The following SUCLG2 variants were observed in gnomAD, a reference collection of about 807,000 sequenced individuals.
The protein encoded by SUCLG2 is succinate-CoA ligase GDP-forming subunit beta.
Under a neutral mutation model 47.9 loss-of-function variants are expected in SUCLG2, and 42 were observed. That is an observed-to-expected ratio of 0.88 (90% CI 0.69 to 1.14). The LOEUF (loss-of-function observed/expected upper bound fraction) is 1.14. Ranked by LOEUF, SUCLG2 falls within the 50% of genes most tolerant of loss-of-function variation. SUCLG2 has a pLI of 0.00. For synonymous variants in SUCLG2, 195 were observed against 197.3 expected (o/e 0.99, Z 0.10); for missense variants, 571 against 525.9 (o/e 1.09, Z -0.84).
intron 2 of SUCLG2, among the ~76,000 whole-genome samples, chr3:67,578,137 T>C (rs1707789422): frequency 1.3e-5 from 2 of 151,176 alleles, no homozygotes; most frequent in South Asian, 4.2e-4. Context: ...GATGATTGAT[T>C]TATAAGTTAC....
chr3:67,623,179 A>T (rs1465185822), intron 1 of SUCLG2, among the ~76,000 whole-genome samples: 3 of 152,162 alleles, frequency 2.0e-5, no homozygotes, highest in Non-Finnish European at 4.4e-5. Flanking sequence ...GTGTTCCAAG[A>T]ATCATCTCCA....
intron 2 of SUCLG2, among the ~76,000 whole-genome samples, chr3:67,580,113 T>C (rs1575793008): frequency 1.3e-5 from 2 of 152,230 alleles, no homozygotes; most frequent in East Asian, 3.8e-4. Flanking sequence ...GTTACTACTA[T>C]ACAACTATAT....
At chr3:67,387,835 T>C (rs559504258) in intron 10 of SUCLG2, among the ~76,000 whole-genome samples, 34 of 152,276 alleles carry the variant, frequency 2.2e-4, no homozygotes, top group African/African-American at 7.9e-4. Context: ...CCAAGGTTTA[T>C]GCCTGTGGTT....
chr3:67,549,259 A>T (rs1042542048), intron 2 of SUCLG2, among the ~76,000 whole-genome samples: 7 of 152,194 alleles, frequency 4.6e-5, no homozygotes, highest in African/African-American at 1.7e-4. Context: ...CTGATACTTA[A>T]GCAATGAAGT....
chr3:67,607,698 A>G (rs1700446715), intron 2 of SUCLG2, among the ~76,000 whole-genome samples: 1 of 152,188 alleles, frequency 6.6e-6, no homozygotes, highest in Non-Finnish European at 1.5e-5. Flanking sequence ...TTGAATTGTA[A>G]TAATCTCCAC....
intron 9 of SUCLG2, among the ~76,000 whole-genome samples, chr3:67,422,527 A>C (rs1703191678): frequency 6.7e-6 from 1 of 148,988 alleles, no homozygotes; most frequent in African/African-American, 2.5e-5. Flanking sequence ...AATTTTACTA[A>C]GATCTTACAA....
At chr3:67,488,926 T>A (rs1375670722) in intron 9 of SUCLG2, among the ~76,000 whole-genome samples, 2 of 152,156 alleles carry the variant, frequency 1.3e-5, no homozygotes, top group Non-Finnish European at 2.9e-5. Flanking sequence ...GCCCCAAATC[T>A]GTTAAATTAT....
intron 9 of SUCLG2, among the ~76,000 whole-genome samples, chr3:67,462,829 C>T (rs944557255): frequency 2.0e-5 from 3 of 152,164 alleles, no homozygotes; most frequent in Admixed American, 2.0e-4. Flanking sequence ...ACTGAGCCCT[C>T]AACCTGTGGG....
chr3:67,562,908 TA>T (rs912869087), intron 2 of SUCLG2, among the ~76,000 whole-genome samples: 3 of 151,984 alleles, frequency 2.0e-5, no homozygotes, highest in African/African-American at 4.8e-5. Flanking sequence ...TGTACACATA[TA>T]AAAAATTATC....
At chr3:67,420,797 G>A (rs751429284) in intron 9 of SUCLG2, among the ~76,000 whole-genome samples, 9 of 152,184 alleles carry the variant, frequency 5.9e-5, no homozygotes, top group Non-Finnish European at 1.2e-4. Flanking sequence ...GTGTGTGAGT[G>A]TGTGTGGGTA....
intron 6 of SUCLG2, among the ~76,000 whole-genome samples, chr3:67,512,256 C>T (rs1705813826): frequency 6.6e-6 from 1 of 151,066 alleles, no homozygotes; most frequent in Non-Finnish European, 1.5e-5. Context: ...AAAAATTCTC[C>T]CATTATTTTT....
intron 2 of SUCLG2, among the ~76,000 whole-genome samples, chr3:67,608,488 T>C (rs574447528): frequency 9.2e-5 from 14 of 152,170 alleles, no homozygotes; most frequent in Admixed American, 2.0e-4. Flanking sequence ...TTTTGTGTTA[T>C]CAAATATTGT....
chr3:67,568,605 G>A (rs1466406997), intron 2 of SUCLG2, among the ~76,000 whole-genome samples: 11 of 152,074 alleles, frequency 7.2e-5, no homozygotes, highest in Non-Finnish European at 1.5e-4. Context: ...AATAAAGAGT[G>A]AGCCGGGCGC....
intron 1 of SUCLG2, among the ~76,000 whole-genome samples, chr3:67,626,488 G>A (rs760338043): frequency 7.9e-5 from 12 of 152,068 alleles, no homozygotes; most frequent in Non-Finnish European, 1.5e-4. Context: ...GGCAGTCACT[G>A]GTGACAGGAT....
chr3:67,571,988 C>T (rs1341416583), intron 2 of SUCLG2, among the ~76,000 whole-genome samples: 2 of 152,118 alleles, frequency 1.3e-5, no homozygotes, highest in Non-Finnish European at 2.9e-5. Flanking sequence ...GAGGCAATGA[C>T]AAAGGAAACA....
At chr3:67,600,203 T>C (rs1292952341) in intron 2 of SUCLG2, among the ~76,000 whole-genome samples, 1 of 152,186 alleles carries the variant, frequency 6.6e-6, no homozygotes. Context: ...ACAAGTTGTA[T>C]AAAAAAACAT....
intron 10 of SUCLG2, among the ~76,000 whole-genome samples, chr3:67,398,040 A>C (rs1358802343): frequency 1.3e-5 from 2 of 150,622 alleles, no homozygotes; most frequent in East Asian, 2.0e-4. Flanking sequence ...TAAAGACTTA[A>C]ATGTTAGAAC....
intron 9 of SUCLG2, among the ~76,000 whole-genome samples, chr3:67,426,907 C>T (rs1161197771): frequency 7.2e-5 from 11 of 152,006 alleles, no homozygotes; most frequent in Non-Finnish European, 1.2e-4. Context: ...AACCTGGCGA[C>T]AGAGCAAGAC....
At chr3:67,498,015 T>C in intron 8 of SUCLG2, 119 bp downstream of exon 8, 1 of 1,087,904 alleles carries the variant, frequency 9.2e-7, no homozygotes, top group Non-Finnish European at 1.3e-6. Flanking sequence ...CCTAAGACTT[T>C]TCAGCTACAA....
Sources: gnomAD v4.1 joint callset for allele counts (sites outside exome capture counted in the v4.1 genomes callset) on GRCh38, gnomAD v4.1.1 for gene constraint, MANE v1.5 for transcripts, NCBI Gene and HGNC (gene_info 2026-07-23, HGNC 2026-07-21) for gene names.